RASEF: variants seen among roughly 807,000 people sequenced by gnomAD.
The protein encoded by RASEF is ras and EF-hand domain-containing protein.
RASEF carries 68 observed loss-of-function variants against 90.1 expected under a neutral mutation model. The observed-to-expected ratio is 0.75, with a 90% CI of 0.62 to 0.92. RASEF has a LOEUF of 0.92. Ranked by LOEUF, RASEF falls within the 40% of genes least tolerant of loss-of-function variation. RASEF has a pLI of 0.00. For missense variants in RASEF, 949 were observed against 937.2 expected (o/e 1.01, Z -0.16); for synonymous variants, 331 against 345.2 (o/e 0.96, Z 0.46).
chr9:83,089,955 T>G, the RASEF span, among the ~76,000 whole-genome samples: 6,998 of 151,504 alleles, frequency 0.046, 535 homozygotes, highest in African/African-American at 0.16. Flanking sequence ...GATATAGATA[T>G]ATAGATATAG....
the RASEF span, among the ~76,000 whole-genome samples, chr9:83,178,517 C>T: frequency 7.2e-5 from 11 of 152,170 alleles, no homozygotes; most frequent in African/African-American, 2.7e-4. Context: ...GCCTCATCCA[C>T]ATCCATTGCT....
At chr9:83,105,027 T>C in the RASEF span, among the ~76,000 whole-genome samples, 2 of 152,170 alleles carry the variant, frequency 1.3e-5, no homozygotes, top group Non-Finnish European at 2.9e-5. Context: ...ATTTATTGAG[T>C]GTCCATATTG....
chr9:83,017,547 C>G (rs1829366773), intron 3 of RASEF, among the ~76,000 whole-genome samples: 1 of 151,910 alleles, frequency 6.6e-6, no homozygotes, highest in African/African-American at 2.4e-5. Context: ...AGGAAATGAT[C>G]ACTAGCCTAT....
At chr9:83,177,057 G>C in the RASEF span, among the ~76,000 whole-genome samples, 1 of 151,766 alleles carries the variant, frequency 6.6e-6, no homozygotes, top group Non-Finnish European at 1.5e-5. Flanking sequence ...GCTTTTATTA[G>C]TAAACATTGT....
the RASEF span, among the ~76,000 whole-genome samples, chr9:83,093,823 G>A: frequency 1.3e-5 from 2 of 152,262 alleles, no homozygotes; most frequent in African/African-American, 2.4e-5. Context: ...AGGAGGCGCC[G>A]AGAGCGAGCG....
upstream of RASEF, among the ~76,000 whole-genome samples, chr9:83,064,893 C>T (rs1439796606): frequency 5.3e-5 from 8 of 152,178 alleles, no homozygotes; most frequent in South Asian, 2.1e-4. Flanking sequence ...ATGGTGAAAG[C>T]CTGTCTCTAC....
At position 82,990,437 on chromosome 9, in the gene RASEF, C is replaced by T. The variant is rs768131090; in HGVS notation, c.2071G>A (p.Ala691Thr). The change falls in exon 16 of 17, where the codon GCC (alanine) becomes ACC (threonine). Residue 691 changes from alanine (A) to threonine (T), a missense_variant. Physicochemically the swap from Ala to Thr is moderately conservative, Grantham distance 58. Transcript: ENST00000376447. The stretch of plus-strand genomic sequence containing the variant: ...TCCACTATGTTAGAACCATCTTTGG[C>T]ACTTGTTTCACAGAATAATGCCCCA... ...TYGALFCETS[A>T]KDGSNIVEAV... 24 of 1,613,592 alleles carry T rather than the reference C, an allele frequency of 1.5e-5. No homozygotes were observed. Among genetic ancestry groups the T allele is most frequent in the Non-Finnish European group, 2.5e-6 (3 of 1,179,676 alleles).
chr9:83,024,272 A>G (rs1423377080), intron 2 of RASEF, among the ~76,000 whole-genome samples: 1 of 152,184 alleles, frequency 6.6e-6, no homozygotes, highest in Admixed American at 6.5e-5. Flanking sequence ...AATATGATGT[A>G]CTCACTCCAC....
the RASEF span, among the ~76,000 whole-genome samples, chr9:83,184,146 C>T: frequency 1.6e-4 from 24 of 152,232 alleles, no homozygotes; most frequent in African/African-American, 5.1e-4. Context: ...GAAGGAATGA[C>T]GTTCTTGTCA....
At chr9:83,166,628 T>C in the RASEF span, among the ~76,000 whole-genome samples, 289 of 152,258 alleles carry the variant, frequency 1.9e-3, no homozygotes, top group Non-Finnish European at 2.9e-3. Context: ...TCTGAGTATA[T>C]AGCAACTGTG....
chr9:83,119,504 A>C, the RASEF span, among the ~76,000 whole-genome samples: 1 of 152,216 alleles, frequency 6.6e-6, no homozygotes. Flanking sequence ...GCAGGGGAAG[A>C]AAGCTGAAGC....
the RASEF span, among the ~76,000 whole-genome samples, chr9:83,108,208 T>C: frequency 6.6e-6 from 1 of 152,090 alleles, no homozygotes; most frequent in African/African-American, 2.4e-5. Flanking sequence ...AGCAGATGTG[T>C]TCATTTTACC....
At chr9:83,079,661 C>T in the RASEF span, among the ~76,000 whole-genome samples, 4 of 151,950 alleles carry the variant, frequency 2.6e-5, no homozygotes, top group Non-Finnish European at 4.4e-5. Flanking sequence ...AACAGCCTTG[C>T]GATATGATGA....
the RASEF span, among the ~76,000 whole-genome samples, chr9:83,071,936 C>T: frequency 1.3e-5 from 2 of 152,166 alleles, no homozygotes; most frequent in Admixed American, 1.3e-4. Flanking sequence ...CTGCTACCTT[C>T]TATTGGTGTG....
At chr9:83,092,889 C>T in the RASEF span, among the ~76,000 whole-genome samples, 374 of 152,184 alleles carry the variant, frequency 2.5e-3, 3 homozygotes, top group African/African-American at 8.6e-3. Context: ...CAAGGCCCCA[C>T]CAGAGTAGCT....
At chr9:83,136,712 T>C in the RASEF span, among the ~76,000 whole-genome samples, 1 of 151,406 alleles carries the variant, frequency 6.6e-6, no homozygotes, top group African/African-American at 2.5e-5. Flanking sequence ...TTTCTATTTG[T>C]TCCCCCTTAC....
Position 83,000,018 on chromosome 9 carries a change from CACACACACACACACA to C in RASEF, c.1723+136_1723+150del, listed in dbSNP as rs1351322633. 20 of 640,166 alleles carry C rather than the reference CACACACACACACACA, an allele frequency of 3.1e-5. 1 individual carries two copies. The highest frequency in any genetic ancestry group is 5.4e-5 in the Non-Finnish European group (20 of 370,300). 39.7% of individuals were successfully genotyped at this position (640,166 alleles called of 1,614,324 possible). A position where few individuals can be genotyped will look rare whatever the true frequency, so the allele number is the denominator to read the frequency against. On this transcript the variant is annotated intron_variant, in intron 12 of 16. Coordinates refer to ENST00000376447, the MANE Select transcript of RASEF (RefSeq NM_152573.4). ...ACACACACACACACACACACACACA[CACACACACACACACA>C]CACATTTATATATGTGTGCATACAC...
In RASEF at chr9:83,016,399, T is replaced by G. The variant is rs569676814; in HGVS notation, c.670-499A>C. On this transcript the variant is annotated intron_variant, in intron 3 of 16. Transcript: ENST00000376447. ...CCTGGTACTTCTCGGGGGTGTCCCT[T>G]CAAGTTCTTCTGGAGCAGAGAATGG... 9.6e-4 allele frequency among the ~76,000 whole-genome samples: 146 copies of G among 152,054 alleles called. 1 individual carries two copies. Among genetic ancestry groups the G allele is most frequent in the African/African-American group, 3.5e-3 (144 of 41,488 alleles).
chr9:83,121,156 T>G, the RASEF span, among the ~76,000 whole-genome samples: 2 of 152,324 alleles, frequency 1.3e-5, no homozygotes, highest in Middle Eastern at 6.8e-3. Context: ...AGATAAATTA[T>G]TTGTAAAGAT....
Sources: allele counts gnomAD v4.1 joint callset (sites outside exome capture counted in the v4.1 genomes callset), GRCh38; gene constraint gnomAD v4.1.1; transcripts MANE v1.5; gene names NCBI Gene and HGNC (gene_info 2026-07-23, HGNC 2026-07-21).